The following CSMD1 variants were observed in gnomAD, a reference collection of about 807,000 sequenced individuals.
The protein encoded by CSMD1 is CUB and sushi domain-containing protein 1.
CSMD1 carries 213 observed loss-of-function variants against 417.5 expected under a neutral mutation model. That is an observed-to-expected ratio of 0.51 (90% confidence interval 0.46 to 0.57). The LOEUF is 0.57. CSMD1 is among the 20% of genes least tolerant of loss of function. CSMD1 has a pLI of 0.00. For synonymous variants in CSMD1, 2,862 were observed against 1,736.8 expected (o/e 1.65, Z -16.11); for missense variants, 6,923 against 4,529.7 (o/e 1.53, Z -15.17).
chr8:4,453,450 G>C (rs1264821790), intron 2 of CSMD1, among the ~76,000 whole-genome samples: 1 of 152,200 alleles, frequency 6.6e-6, no homozygotes, highest in Non-Finnish European at 1.5e-5. Context: ...TGTTGGTGCA[G>C]CAGCAAGAAC....
At chr8:3,345,972 T>C (rs1253087424) in intron 22 of CSMD1, among the ~76,000 whole-genome samples, 1 of 152,246 alleles carries the variant, frequency 6.6e-6, no homozygotes, top group East Asian at 1.9e-4. Flanking sequence ...ACATCATGTT[T>C]ATTTACGTGT....
chr8:4,165,282 T>C (rs1363853955), intron 3 of CSMD1, among the ~76,000 whole-genome samples: 2 of 152,232 alleles, frequency 1.3e-5, no homozygotes, highest in Non-Finnish European at 2.9e-5. Flanking sequence ...CAGCTGTTGA[T>C]CCACTCGGTT....
At chr8:4,658,218 T>C (rs754373336) in intron 1 of CSMD1, among the ~76,000 whole-genome samples, 7 of 152,172 alleles carry the variant, frequency 4.6e-5, no homozygotes, top group Non-Finnish European at 7.4e-5. Flanking sequence ...CAAAATTTAC[T>C]AATCAAAATA....
At chr8:4,631,682 T>C (rs1419565072) in intron 2 of CSMD1, among the ~76,000 whole-genome samples, 1 of 152,212 alleles carries the variant, frequency 6.6e-6, no homozygotes, top group Admixed American at 6.5e-5. Context: ...TTATTACTGT[T>C]TAAGAAAACT....
chr8:3,463,306 A>T (rs1816623567), intron 12 of CSMD1, among the ~76,000 whole-genome samples: 1 of 152,162 alleles, frequency 6.6e-6, no homozygotes, highest in Admixed American at 6.5e-5. Flanking sequence ...TGCTTCCAAG[A>T]AAAAGGATAA....
At chr8:4,924,722 C>CAAAAAAAAAAAAAA (rs60827201) in intron 1 of CSMD1, among the ~76,000 whole-genome samples, 1 of 62,546 alleles carries the variant, frequency 1.6e-5, no homozygotes, top group Non-Finnish European at 2.8e-5. Context: ...AACTCCATCT[C>CAAAAAAAAAAAAAA]AAAAAAAAAA....
intron 3 of CSMD1, among the ~76,000 whole-genome samples, chr8:4,081,637 G>C (rs1464227419): frequency 1.3e-5 from 2 of 152,068 alleles, no homozygotes; most frequent in Non-Finnish European, 1.5e-5. Context: ...TGGAGATATG[G>C]ACTAAAATAG....
rs150366369 is a variant in CSMD1, at chr8:4,165,546, G to A, written c.416-133447C>T. Among the ~76,000 whole-genome samples the A allele has an allele frequency of 6.4e-3, 979 of 152,152 alleles. 10 individuals are homozygous for A. The highest frequency in any genetic ancestry group is 0.023 in the African/African-American group (943 of 41,522). ...AGCCTGCCAAGTAGGTGGGACCTCC[G>A]GTGCACCACCATGCCCAGCTAATTT... On this transcript the variant is annotated intron_variant, in intron 3 of 69. Coordinates refer to ENST00000635120, the MANE Select transcript of CSMD1 (RefSeq NM_033225.6).
At chr8:4,415,579 C>T (rs1486244090) in intron 3 of CSMD1, among the ~76,000 whole-genome samples, 3 of 152,186 alleles carry the variant, frequency 2.0e-5, no homozygotes, top group African/African-American at 4.8e-5. Flanking sequence ...CACCAGTGTT[C>T]TGTTTGATTG....
intron 5 of CSMD1, among the ~76,000 whole-genome samples, chr8:3,757,991 T>C (rs1403578776): frequency 2.6e-5 from 4 of 152,144 alleles, no homozygotes; most frequent in African/African-American, 9.7e-5. Flanking sequence ...TTTTTGACAG[T>C]CTTGCTCTGT....
chr8:4,471,775 G>A (rs376632755), intron 2 of CSMD1, among the ~76,000 whole-genome samples: 3 of 152,238 alleles, frequency 2.0e-5, no homozygotes, highest in South Asian at 4.1e-4. Flanking sequence ...TCACAAAGGA[G>A]ACTGAGGAGC....
chr8:3,091,744 C>A (rs1335077615), intron 47 of CSMD1, 82 bp from the exon 48 acceptor site: 5 of 1,282,384 alleles, frequency 3.9e-6, no homozygotes, highest in Non-Finnish European at 5.4e-6. Context: ...TTTGATTACA[C>A]TGGAGTCTAC....
intron 21 of CSMD1, among the ~76,000 whole-genome samples, chr8:3,355,054 C>G (rs1269597269): frequency 2.0e-5 from 3 of 151,426 alleles, no homozygotes; most frequent in African/African-American, 4.9e-5. Flanking sequence ...TCGGAAATAA[C>G]TTGTAATCCA....
intron 5 of CSMD1, among the ~76,000 whole-genome samples, chr8:3,800,252 A>G (rs552216851): frequency 6.6e-6 from 1 of 152,288 alleles, no homozygotes; most frequent in African/African-American, 2.4e-5. Flanking sequence ...TTATTGGAAT[A>G]ACATTATATA....
At chr8:3,271,410 G>T (rs537115216) in intron 26 of CSMD1, among the ~76,000 whole-genome samples, 1 of 151,920 alleles carries the variant, frequency 6.6e-6, no homozygotes, top group South Asian at 2.1e-4. Flanking sequence ...TGTCTTTATA[G>T]CAGCATGATT....
chr8:3,201,780 A>G, intron 31 of CSMD1, 55 bp from the exon 32 acceptor site: 1 of 1,059,886 alleles, frequency 9.4e-7, no homozygotes, highest in Non-Finnish European at 1.4e-6. Flanking sequence ...AACAAAATGG[A>G]GATTTTTGAT....
chr8:4,704,341 G>T (rs1411670246), intron 1 of CSMD1, among the ~76,000 whole-genome samples: 1 of 152,168 alleles, frequency 6.6e-6, no homozygotes, highest in Non-Finnish European at 1.5e-5. Context: ...CAAATCAGTT[G>T]TCTGGGACTT....
intron 1 of CSMD1, among the ~76,000 whole-genome samples, chr8:4,739,182 G>C (rs143151466): frequency 6.6e-6 from 1 of 152,036 alleles, no homozygotes; most frequent in African/African-American, 2.4e-5. Flanking sequence ...TTTAGATCCC[G>C]TGTATTTGTT....
intron 18 of CSMD1, among the ~76,000 whole-genome samples, chr8:3,382,776 C>G (rs1034002286): frequency 2.6e-5 from 4 of 151,592 alleles, no homozygotes; most frequent in African/African-American, 9.7e-5. Context: ...GAGAATGCAA[C>G]TATTTTTGGT....
Sources: allele counts gnomAD v4.1 joint callset (sites outside exome capture counted in the v4.1 genomes callset), GRCh38; gene constraint gnomAD v4.1.1; transcripts MANE v1.5; gene names NCBI Gene and HGNC (gene_info 2026-07-23, HGNC 2026-07-21).